Variants in SWAP70 observed in about 807,000 individuals in gnomAD.
SWAP70 encodes switch-associated protein 70.
SWAP70 carries 34 observed loss-of-function variants against 80.2 expected under a neutral mutation model. The observed-to-expected ratio is 0.42, with a 90% CI of 0.32 to 0.56. The LOEUF (loss-of-function observed/expected upper bound fraction) is 0.56. SWAP70 is among the 20% of genes least tolerant of loss of function. SWAP70 has a pLI of 0.09. For missense variants in SWAP70, 578 were observed against 690.7 expected (o/e 0.84, Z 1.83); for synonymous variants, 239 against 238.5 (o/e 1.00, Z -0.02).
intron 5 of SWAP70, 36 bp downstream of exon 5, chr11:9,728,235 G>C: frequency 6.5e-7 from 1 of 1,537,200 alleles, no homozygotes; most frequent in Non-Finnish European, 8.7e-7. Flanking sequence ...TGATTACCCC[G>C]TGCTGCCCCC....
chr11:9,721,064 C>T (rs1851128515), intron 3 of SWAP70, among the ~76,000 whole-genome samples: 2 of 152,252 alleles, frequency 1.3e-5, no homozygotes, highest in Non-Finnish European at 2.9e-5. Flanking sequence ...GATCTGCCCG[C>T]CTTGGCCTCC....
chr11:9,738,589 A>G (rs1418976226), intron 8 of SWAP70, among the ~76,000 whole-genome samples: 1 of 151,568 alleles, frequency 6.6e-6, no homozygotes, highest in African/African-American at 2.4e-5. Context: ...TTATGGAGCC[A>G]GGCATGGTGG....
chr11:9,738,388 G>C (rs910348637), intron 8 of SWAP70, 68 bp downstream of exon 8: 1 of 1,195,730 alleles, frequency 8.4e-7, no homozygotes, highest in Admixed American at 2.8e-5. Flanking sequence ...ACAGGGAAGG[G>C]CTGGAGGCTA....
Position 9,728,147 on chromosome 11 carries a change from A to T in SWAP70, c.737A>T (p.Asp246Val). 6.2e-7 allele frequency: 1 copy of T among 1,613,272 alleles called. No homozygotes were observed. The highest frequency in any genetic ancestry group is 1.1e-5 in the South Asian group (1 of 90,972). The change falls in exon 5 of 12, where the codon GAT becomes GTT. Residue 246 changes from aspartate (D) to valine (V), a missense_variant. Asp to Val is a radical substitution (Grantham distance 152). Transcript: ENST00000318950. ...PNIISYYVSE[D>V]LKDKKGDILL... Reference sequence around the variant, plus strand: ...ATAATTTCTTACTATGTGAGTGAGGATCTGAAGGATAAGAAAGGAGACATT... The same window carrying T: ...ATAATTTCTTACTATGTGAGTGAGGTTCTGAAGGATAAGAAAGGAGACATT...
intron 9 of SWAP70, chr11:9,741,111 T>C (rs995730129): frequency 2.6e-5 from 4 of 152,154 alleles, no homozygotes; most frequent in South Asian, 2.1e-4. Flanking sequence ...TCTGACCCCC[T>C]GTTTTGGGGA....
chr11:9,680,550 G>C (rs1850554378), intron 1 of SWAP70, among the ~76,000 whole-genome samples: 1 of 152,040 alleles, frequency 6.6e-6, no homozygotes, highest in African/African-American at 2.4e-5. Flanking sequence ...TGAATAGCTG[G>C]TATTACAGGT....
intron 2 of SWAP70, among the ~76,000 whole-genome samples, chr11:9,706,902 T>C (rs1850922594): frequency 6.6e-6 from 1 of 151,672 alleles, no homozygotes; most frequent in South Asian, 2.1e-4. Context: ...ATTTTTTTCC[T>C]TTTTTTTCTT....
intron 1 of SWAP70, among the ~76,000 whole-genome samples, chr11:9,667,596 T>C (rs1402245146): frequency 1.3e-5 from 2 of 152,012 alleles, no homozygotes; most frequent in Non-Finnish European, 2.9e-5. Context: ...ACAAGGTCTT[T>C]TTGTCGCCCA....
At chr11:9,730,104 G>A (rs10743118) in intron 6 of SWAP70, among the ~76,000 whole-genome samples, 84,343 of 151,832 alleles carry the variant, frequency 0.56, 23,709 homozygotes, top group Middle Eastern at 0.74. Flanking sequence ...ATCCCTTGCC[G>A]GCCTCCTGCC....
Position 9,719,599 on chromosome 11 carries a change from G to T in SWAP70, c.415-5059G>T, listed in dbSNP as rs1019885982. Among the ~76,000 whole-genome samples, 4 of 152,170 alleles carry T rather than the reference G, an allele frequency of 2.6e-5. No homozygotes were observed. In the South Asian group the frequency reaches 6.2e-4, roughly 24 times the overall value. On this transcript the variant is annotated intron_variant, in intron 3 of 11. Coordinates refer to ENST00000318950, the MANE Select transcript of SWAP70 (RefSeq NM_015055.4). ...TCTGTTACCCAGAAAGTAGTGTCAA[G>T]TATGTTAAATAAATATTTAAGTGAC... is the stretch of plus-strand genomic sequence containing the variant.
intron 7 of SWAP70, among the ~76,000 whole-genome samples, chr11:9,737,530 C>T (rs527373248): frequency 6.6e-6 from 1 of 152,016 alleles, no homozygotes; most frequent in Non-Finnish European, 1.5e-5. Flanking sequence ...GAAATTGGTT[C>T]TGGTAAAAGT....
At chr11:9,719,379 A>C (rs919925199) in intron 3 of SWAP70, among the ~76,000 whole-genome samples, 5 of 152,114 alleles carry the variant, frequency 3.3e-5, no homozygotes, top group African/African-American at 4.8e-5. Flanking sequence ...GTCTCAAAAA[A>C]AAAGATATAA....
intron 2 of SWAP70, among the ~76,000 whole-genome samples, chr11:9,695,894 T>C (rs1850751339): frequency 6.6e-6 from 1 of 152,004 alleles, no homozygotes; most frequent in Non-Finnish European, 1.5e-5. Flanking sequence ...CTCCTCGGGC[T>C]CAGGTGACCC....
intron 11 of SWAP70, 148 bp from the exon 12 acceptor site, chr11:9,749,714 ATC>A (rs2133822050): frequency 1.8e-6 from 1 of 569,334 alleles, no homozygotes; most frequent in East Asian, 2.9e-5. Flanking sequence ...CTTGGTATAC[ATC>A]TTCTAATTGT....
At chr11:9,747,183 C>T (rs1851522913) in intron 9 of SWAP70, among the ~76,000 whole-genome samples, 1 of 152,164 alleles carries the variant, frequency 6.6e-6, no homozygotes, top group Admixed American at 6.5e-5. Context: ...GGTTAAAATC[C>T]ATTATAACCT....
At chr11:9,706,924 A>C (rs1191386148) in intron 2 of SWAP70, among the ~76,000 whole-genome samples, 1 of 151,528 alleles carries the variant, frequency 6.6e-6, no homozygotes, top group Admixed American at 6.6e-5. Flanking sequence ...ATTTTTAGCT[A>C]TCTCCTACAG....
chr11:9,702,556 T>G (rs572254510), intron 2 of SWAP70, among the ~76,000 whole-genome samples: 5 of 152,016 alleles, frequency 3.3e-5, no homozygotes, highest in Non-Finnish European at 7.4e-5. Flanking sequence ...GGGGAGTAGC[T>G]GGAATTACAT....
intron 3 of SWAP70, among the ~76,000 whole-genome samples, chr11:9,716,209 T>A (rs990780054): frequency 6.6e-6 from 1 of 151,498 alleles, no homozygotes; most frequent in Non-Finnish European, 1.5e-5. Context: ...AGGAAGAGAG[T>A]GATAGGTGAA....
At chr11:9,739,707 G>C (rs1851410724) in intron 8 of SWAP70, among the ~76,000 whole-genome samples, 2 of 152,322 alleles carry the variant, frequency 1.3e-5, no homozygotes, top group South Asian at 4.1e-4. Flanking sequence ...GACAGCCAGG[G>C]AAGTGTGGGA....
Sources: allele counts gnomAD v4.1 joint callset (sites outside exome capture counted in the v4.1 genomes callset), GRCh38; gene constraint gnomAD v4.1.1; transcripts MANE v1.5; gene names NCBI Gene and HGNC (gene_info 2026-07-23, HGNC 2026-07-21).